The following GAP43 variants were observed in gnomAD, a reference collection of about 807,000 sequenced individuals.
GAP43 encodes neuromodulin.
In GAP43, 6 loss-of-function variants were observed where a neutral mutation model predicts 18.6. That is an observed-to-expected ratio of 0.32 (90% confidence interval 0.18 to 0.64). The LOEUF (loss-of-function observed/expected upper bound fraction) is 0.64, where lower values mean the gene tolerates loss of function less well. Ranked by LOEUF, GAP43 falls within the 30% of genes least tolerant of loss-of-function variation. GAP43 has a pLI of 0.78. For synonymous variants in GAP43, 115 were observed against 111.4 expected, an observed-to-expected ratio of 1.03 and a Z score of -0.20; for missense variants, 292 against 295.5, an observed-to-expected ratio of 0.99 and a Z score of 0.09.
rs1343341295 is a variant in GAP43 at position 115,668,368 on chromosome 3, A to C, written c.31-7645A>C. Among the ~76,000 whole-genome samples the C allele has an allele frequency of 2.0e-5, 3 of 152,166 alleles. No homozygotes were observed. In the East Asian group the frequency reaches 5.8e-4, roughly 29 times the overall value. The stretch of plus-strand genomic sequence containing the variant: ...GCTTTGGAGAGCAATACACAGATTA[A>C]ATATAAATAGTAGGGAGCAGAGATT... On this transcript the variant is annotated intron_variant, in intron 1 of 2. Transcript: ENST00000305124.
intron 1 of GAP43, among the ~76,000 whole-genome samples, chr3:115,634,214 A>G (rs1334427965): frequency 6.6e-6 from 1 of 152,186 alleles, no homozygotes; most frequent in Non-Finnish European, 1.5e-5. Flanking sequence ...AAACTCAGAA[A>G]TCGGTTGCTT....
intron 1 of GAP43, among the ~76,000 whole-genome samples, chr3:115,641,510 T>TCACACACACACA (rs376412583): frequency 0.11 from 12,158 of 106,884 alleles, 642 homozygotes; most frequent in East Asian, 0.17. Flanking sequence ...ATATATATAT[T>TCACACACACACA]CACACACACA....
At chr3:115,704,625 A>G (rs1709338313) in intron 2 of GAP43, among the ~76,000 whole-genome samples, 1 of 152,088 alleles carries the variant, frequency 6.6e-6, no homozygotes, top group South Asian at 2.1e-4. Flanking sequence ...TTTCTCAAAC[A>G]AAAATAGCAA....
chr3:115,645,108 A>G lies in GAP43; in HGVS notation c.30+21389A>G, dbSNP rs151283983. Among the ~76,000 whole-genome samples the G allele has an allele frequency of 1.1e-3, 174 of 152,186 alleles. 1 individual carries two copies. Among genetic ancestry groups the G allele is most frequent in the African/African-American group, 3.8e-3 (157 of 41,574 alleles). The stretch of plus-strand genomic sequence containing the variant: ...GTATCTCAAGAGTTAGAAGAAATTT[A>G]GAAGGCATCTTATCTATGAGTTATT... On this transcript the variant is annotated intron_variant, in intron 1 of 2. Transcript: ENST00000305124.
chr3:115,683,147 GCACACACACA>G (rs869219452), intron 2 of GAP43, among the ~76,000 whole-genome samples: 154 of 127,438 alleles, frequency 1.2e-3, no homozygotes, highest in African/African-American at 2.5e-3. Flanking sequence ...GCGCGCGCGC[GCACACACACA>G]CACACACACA....
chr3:115,690,801 G>C (rs944541957), intron 2 of GAP43, among the ~76,000 whole-genome samples: 7 of 143,954 alleles, frequency 4.9e-5, no homozygotes, highest in African/African-American at 1.8e-4. Flanking sequence ...TGTCGCCCAG[G>C]CTGGAGTGCA....
chr3:115,706,933 G>A (rs1709371932), intron 2 of GAP43, among the ~76,000 whole-genome samples: 2 of 152,066 alleles, frequency 1.3e-5, no homozygotes, highest in Admixed American at 1.3e-4. Flanking sequence ...AATGTTTATT[G>A]TCATTTAATG....
chr3:115,697,358 G>A (rs896467879), intron 2 of GAP43, among the ~76,000 whole-genome samples: 10 of 152,182 alleles, frequency 6.6e-5, no homozygotes, highest in African/African-American at 2.2e-4. Context: ...TAAACAGGCA[G>A]TTCTAAAGGA....
At chr3:115,658,682 T>G (rs1302680412) in intron 1 of GAP43, 2 of 152,104 alleles carry the variant, frequency 1.3e-5, no homozygotes, top group African/African-American at 4.8e-5. Context: ...CTCCTCCAAC[T>G]CCGCAGACCT....
chr3:115,651,321 C>CAT (rs1708516624), intron 1 of GAP43, among the ~76,000 whole-genome samples: 1 of 152,170 alleles, frequency 6.6e-6, no homozygotes, highest in Admixed American at 6.5e-5. Context: ...CACACACACA[C>CAT]ATCCATGCAC....
chr3:115,695,051 A>G (rs1382777243), intron 2 of GAP43, among the ~76,000 whole-genome samples: 2 of 152,246 alleles, frequency 1.3e-5, no homozygotes, highest in African/African-American at 4.8e-5. Flanking sequence ...TGGAAATATC[A>G]GTGCCTTAAC....
At chr3:115,653,826 C>A (rs570563672) in intron 1 of GAP43, among the ~76,000 whole-genome samples, 1 of 152,180 alleles carries the variant, frequency 6.6e-6, no homozygotes, top group Non-Finnish European at 1.5e-5. Flanking sequence ...TTAAAAATAA[C>A]ACTTTGCCTT....
At chr3:115,719,405 G>T (rs1709550211) in intron 2 of GAP43, among the ~76,000 whole-genome samples, 1 of 152,182 alleles carries the variant, frequency 6.6e-6, no homozygotes, top group East Asian at 1.9e-4. Flanking sequence ...GATAAGAGTG[G>T]TTCCAGGTGC....
chr3:115,633,205 TAA>T (rs1206435356), intron 1 of GAP43, among the ~76,000 whole-genome samples: 1 of 151,138 alleles, frequency 6.6e-6, no homozygotes, highest in Non-Finnish European at 1.5e-5. Flanking sequence ...AAGAGAGAGA[TAA>T]GAGAGAGACA....
intron 1 of GAP43, among the ~76,000 whole-genome samples, chr3:115,645,529 T>C (rs1393419446): frequency 1.3e-5 from 2 of 151,984 alleles, no homozygotes; most frequent in Non-Finnish European, 2.9e-5. Context: ...TTGTACCTGG[T>C]CATTCTCTAT....
intron 2 of GAP43, among the ~76,000 whole-genome samples, chr3:115,715,504 C>T (rs1179029512): frequency 3.3e-5 from 5 of 152,088 alleles, no homozygotes; most frequent in Admixed American, 6.6e-5. Flanking sequence ...GAGGTTGATC[C>T]GCTAGATGAG....
At chr3:115,653,312 C>T (rs1447629022) in intron 1 of GAP43, among the ~76,000 whole-genome samples, 5 of 151,954 alleles carry the variant, frequency 3.3e-5, no homozygotes, top group Admixed American at 2.0e-4. Context: ...TGTGGTGGCG[C>T]ATGCCTGTAA....
At chr3:115,646,510 T>A (rs1209492624) in intron 1 of GAP43, among the ~76,000 whole-genome samples, 2 of 152,074 alleles carry the variant, frequency 1.3e-5, no homozygotes, top group East Asian at 3.9e-4. Context: ...AATTGCCTAA[T>A]AGGCAATATT....
intron 2 of GAP43, among the ~76,000 whole-genome samples, chr3:115,695,827 T>C (rs1709181294): frequency 6.6e-6 from 1 of 152,168 alleles, no homozygotes; most frequent in African/African-American, 2.4e-5. Flanking sequence ...TAAGGCCTCA[T>C]CTTCTTTTAC....
Sources: gnomAD v4.1 joint callset for allele counts (sites outside exome capture counted in the v4.1 genomes callset) on GRCh38, gnomAD v4.1.1 for gene constraint, MANE v1.5 for transcripts, NCBI Gene and HGNC (gene_info 2026-07-23, HGNC 2026-07-21) for gene names.